COXFA4L2: variants seen among roughly 807,000 people sequenced by gnomAD.
COXFA4L2 encodes the protein cytochrome c oxidase hypoxia associated subunit FA4L2.
the COXFA4L2 span, chr12:57,236,390 G>A: frequency 2.0e-6 from 1 of 507,386 alleles, no homozygotes; most frequent in Non-Finnish European, 3.4e-6. Flanking sequence ...TTTCAGGGCG[G>A]GCCAAGCTGA....
At chr12:57,236,443 C>A in the COXFA4L2 span, 2 of 626,248 alleles carry the variant, frequency 3.2e-6, no homozygotes, top group Non-Finnish European at 5.3e-6. Context: ...CGGGGGTCTC[C>A]CAGGTCAGCA....
At chr12:57,236,995 A>G in the COXFA4L2 span, 3 of 1,613,480 alleles carry the variant, frequency 1.9e-6, no homozygotes, top group Non-Finnish European at 2.5e-6. Context: ...CAGGAGAGTT[A>G]GGAGTTAGAG....
chr12:57,239,044 G>A, the COXFA4L2 span, among the ~76,000 whole-genome samples: 2 of 152,244 alleles, frequency 1.3e-5, no homozygotes, highest in East Asian at 1.9e-4. The surrounding 1 kb of genome is among the most constrained non-coding windows in gnomAD (Gnocchi z 5.5). Flanking sequence ...CTGGCCCAGC[G>A]GGGTGAGGGA....
chr12:57,236,263 A>ACGT, the COXFA4L2 span: 1 of 360,152 alleles, frequency 2.8e-6, no homozygotes, highest in African/African-American at 2.1e-5. Context: ...CCAGCAGCTC[A>ACGT]CCCGGCCACA....
chr12:57,235,601 C>T, the COXFA4L2 span: 1 of 1,614,162 alleles, frequency 6.2e-7, no homozygotes, highest in Non-Finnish European at 8.5e-7. Flanking sequence ...TTCTTATAGT[C>T]AGTGGAAACT....
chr12:57,235,623 AGAG>A, the COXFA4L2 span: 1 of 1,614,146 alleles, frequency 6.2e-7, no homozygotes, highest in Non-Finnish European at 8.5e-7. Flanking sequence ...CAAGGAACTA[AGAG>A]GAGAGGGAAA....
chr12:57,235,848 TG>T, the COXFA4L2 span: 1 of 1,502,308 alleles, frequency 6.7e-7, no homozygotes, highest in South Asian at 1.4e-5. Context: ...GTCTCCTCCC[TG>T]GGACCCAGAA....
the COXFA4L2 span, chr12:57,237,233 C>A: frequency 5.3e-6 from 8 of 1,498,968 alleles, no homozygotes; most frequent in African/African-American, 9.8e-5. Context: ...CCCACCCCAA[C>A]TTAGCTCACT....
the COXFA4L2 span, chr12:57,236,907 C>A: frequency 7.3e-7 from 1 of 1,369,770 alleles, no homozygotes; most frequent in South Asian, 1.2e-5. Flanking sequence ...GAGACTGGGG[C>A]AACCTTAGGG....
At chr12:57,240,739 A>G in the COXFA4L2 span, 1 of 985,468 alleles carries the variant, frequency 1.0e-6, no homozygotes, top group Non-Finnish European at 1.2e-6. Context: ...ATTTTCACAC[A>G]TACACAGACC....
the COXFA4L2 span, chr12:57,236,534 A>G: frequency 7.0e-7 from 1 of 1,431,840 alleles, no homozygotes; most frequent in Non-Finnish European, 9.4e-7. Context: ...AGGGCCGCCT[A>G]TTTCCACCCC....
chr12:57,236,803 C>A, the COXFA4L2 span: 4 of 843,506 alleles, frequency 4.7e-6, no homozygotes, highest in South Asian at 5.0e-5. Flanking sequence ...TCCCTGGAAT[C>A]TCCTACAACC....
chr12:57,235,636 AG>A, the COXFA4L2 span: 1 of 1,614,114 alleles, frequency 6.2e-7, no homozygotes. Context: ...GGAGAGGGAA[AG>A]GGGGTTGCGC....
the COXFA4L2 span, among the ~76,000 whole-genome samples, chr12:57,238,291 C>G: frequency 6.6e-6 from 1 of 152,152 alleles, no homozygotes; most frequent in African/African-American, 2.4e-5. The surrounding 1 kb of genome is among the most constrained non-coding windows in gnomAD (Gnocchi z 6.8). Context: ...CTCTGACAAG[C>G]GCGGCTGTAA....
chr12:57,236,202 TCCGCGGCCGGGTGTGAAATCTCCGC>T, the COXFA4L2 span: 2 of 324,432 alleles, frequency 6.2e-6, no homozygotes, highest in Non-Finnish European at 1.1e-5. Flanking sequence ...CCGGACCCTC[TCCGCGGCCGGGTGTGAAATCTCCGC>T]CCCACACTGG....
At chr12:57,238,449 C>G in the COXFA4L2 span, among the ~76,000 whole-genome samples, 3 of 152,172 alleles carry the variant, frequency 2.0e-5, no homozygotes, top group African/African-American at 7.2e-5. The surrounding 1 kb of genome is among the most constrained non-coding windows in gnomAD (Gnocchi z 6.8). Flanking sequence ...GTTAGAGCCT[C>G]CAGCAGCCCA....
At chr12:57,240,694 C>G in the COXFA4L2 span, 3 of 985,544 alleles carry the variant, frequency 3.0e-6, no homozygotes, top group Non-Finnish European at 2.4e-6. Flanking sequence ...GGCGGAGACG[C>G]GATGGCAACA....
chr12:57,235,193 C>T, the COXFA4L2 span: 1 of 281,388 alleles, frequency 3.6e-6, no homozygotes, highest in Non-Finnish European at 6.9e-6. Context: ...CGTCGCTTGG[C>T]ACTCAGAGGC....
At chr12:57,237,538 A>G in the COXFA4L2 span, among the ~76,000 whole-genome samples, 1 of 152,170 alleles carries the variant, frequency 6.6e-6, no homozygotes, top group Non-Finnish European at 1.5e-5. Flanking sequence ...ACACCCTTAG[A>G]GCTGTCCAGG....
Sources: allele counts gnomAD v4.1 joint callset (sites outside exome capture counted in the v4.1 genomes callset), GRCh38; gene constraint gnomAD v4.1.1; non-coding constraint Gnocchi (gnomAD v3.1); transcripts MANE v1.5; gene names NCBI Gene and HGNC (gene_info 2026-07-23, HGNC 2026-07-21).